Variants in PDZRN4 observed in about 807,000 individuals in gnomAD.
PDZRN4 encodes PDZ domain containing ring finger 4.
Under a neutral mutation model 99.0 loss-of-function variants are expected in PDZRN4, and 70 were observed. The observed-to-expected ratio is 0.71, with a 90% CI of 0.58 to 0.86. PDZRN4 has a LOEUF of 0.86. PDZRN4 is among the 40% of genes least tolerant of loss of function. PDZRN4 has a pLI of 0.00. For missense variants in PDZRN4, 1,474 were observed against 1,331.2 expected (o/e 1.11, Z -1.67); for synonymous variants, 551 against 501.6 (o/e 1.10, Z -1.32).
At chr12:41,218,601 G>A (rs1288699319) in intron 3 of PDZRN4, among the ~76,000 whole-genome samples, 3 of 151,964 alleles carry the variant, frequency 2.0e-5, no homozygotes, top group Non-Finnish European at 4.4e-5. Context: ...ATTGTTGGGC[G>A]TAATAAGTGA....
chr12:41,305,342 TG>T (rs1951561759), intron 3 of PDZRN4, among the ~76,000 whole-genome samples: 1 of 152,090 alleles, frequency 6.6e-6, no homozygotes, highest in Non-Finnish European at 1.5e-5. Flanking sequence ...GGAAAACAAG[TG>T]GACTAAAACA....
chr12:41,530,367 T>C (rs141206872), intron 5 of PDZRN4, among the ~76,000 whole-genome samples: 1 of 152,350 alleles, frequency 6.6e-6, no homozygotes, highest in African/African-American at 2.4e-5. Context: ...TGGAAAAATA[T>C]TGAATACAGT....
At chr12:41,427,287 G>A (rs944179349) in intron 3 of PDZRN4, among the ~76,000 whole-genome samples, 1 of 152,182 alleles carries the variant, frequency 6.6e-6, no homozygotes, top group Admixed American at 6.5e-5. Context: ...TTTTCACAAT[G>A]CTAGAATTTA....
intron 3 of PDZRN4, among the ~76,000 whole-genome samples, chr12:41,470,749 A>C (rs569087124): frequency 6.6e-6 from 1 of 151,968 alleles, no homozygotes; most frequent in African/African-American, 2.4e-5. Flanking sequence ...AAAAGTCCTG[A>C]CCAGAAATGA....
At chr12:41,421,133 A>C (rs1197985647) in intron 3 of PDZRN4, among the ~76,000 whole-genome samples, 1 of 152,214 alleles carries the variant, frequency 6.6e-6, no homozygotes, top group African/African-American at 2.4e-5. Flanking sequence ...TTCCGTGTTC[A>C]AGACTGTTTA....
At chr12:41,228,532 A>G (rs952983703) in intron 3 of PDZRN4, among the ~76,000 whole-genome samples, 3 of 152,128 alleles carry the variant, frequency 2.0e-5, no homozygotes, top group Non-Finnish European at 4.4e-5. Context: ...CAAAAAAAGA[A>G]AGTGTATGGT....
At chr12:41,476,800 A>G (rs986629268) in intron 3 of PDZRN4, among the ~76,000 whole-genome samples, 2 of 152,176 alleles carry the variant, frequency 1.3e-5, no homozygotes, top group Non-Finnish European at 2.9e-5. Flanking sequence ...CTCGATCTCC[A>G]ATTAAGCATC....
intron 3 of PDZRN4, among the ~76,000 whole-genome samples, chr12:41,316,497 TA>T (rs1025056056): frequency 6.7e-6 from 1 of 148,970 alleles, no homozygotes; most frequent in Non-Finnish European, 1.5e-5. Flanking sequence ...TGTGTGTGTA[TA>T]AAATAAAAAC....
chr12:41,491,919 T>G (rs1937893796), intron 3 of PDZRN4, among the ~76,000 whole-genome samples: 1 of 152,206 alleles, frequency 6.6e-6, no homozygotes, highest in African/African-American at 2.4e-5. Context: ...CAGTATAGAC[T>G]GAATAAAAAT....
At chr12:41,363,332 C>A (rs1319344573) in intron 3 of PDZRN4, among the ~76,000 whole-genome samples, 1 of 151,876 alleles carries the variant, frequency 6.6e-6, no homozygotes. Context: ...TATTTAAGAA[C>A]ATATTTGAAA....
At chr12:41,227,906 CACACACACACACA>C (rs1566375559) in intron 3 of PDZRN4, among the ~76,000 whole-genome samples, 3 of 151,408 alleles carry the variant, frequency 2.0e-5, no homozygotes, top group Non-Finnish European at 1.5e-5. Flanking sequence ...CACACACACA[CACACACACACACA>C]CCAGAAGGGT....
chr12:41,366,238 A>G (rs1393339771), intron 3 of PDZRN4, among the ~76,000 whole-genome samples: 1 of 152,152 alleles, frequency 6.6e-6, no homozygotes, highest in East Asian at 1.9e-4. Flanking sequence ...AGTAATAAGG[A>G]TAGTCACGGC....
intron 3 of PDZRN4, among the ~76,000 whole-genome samples, chr12:41,224,015 G>A (rs1446415666): frequency 6.6e-6 from 1 of 152,232 alleles, no homozygotes; most frequent in Non-Finnish European, 1.5e-5. Flanking sequence ...CTAAGTTCTA[G>A]AGTGCAACTC....
chr12:41,188,375 C>G lies in PDZRN4; in HGVS notation c.-81C>G. ...CTGCCGCCGCCGCGAGACGGCTGCC[C>G]CGGGGGTGGCCCGGGGAAGGCAGGG... On this transcript the variant is annotated 5_prime_UTR_variant, in exon 1 of 10. Transcript: ENST00000402685. The G allele has an allele frequency of 1.5e-6, 2 of 1,350,940 alleles. No individual in the cohort carries two copies. Among genetic ancestry groups the G allele is most frequent in the Non-Finnish European group, 2.0e-6 (2 of 1,023,600 alleles). 83.7% of individuals were successfully genotyped at this position (1,350,940 alleles called of 1,614,324 possible).
chr12:41,470,892 T>G (rs556693234), intron 3 of PDZRN4, among the ~76,000 whole-genome samples: 21 of 152,262 alleles, frequency 1.4e-4, no homozygotes, highest in Admixed American at 3.9e-4. Context: ...CAGCACAGCA[T>G]GAACTTCTGG....
chr12:41,537,189 T>C (rs572634494), intron 5 of PDZRN4, among the ~76,000 whole-genome samples: 2 of 152,264 alleles, frequency 1.3e-5, no homozygotes, highest in African/African-American at 2.4e-5. Flanking sequence ...TGTGTTGAGA[T>C]AGAGATGCAG....
intron 9 of PDZRN4, among the ~76,000 whole-genome samples, chr12:41,570,255 A>G (rs1939450450): frequency 6.6e-6 from 1 of 152,238 alleles, no homozygotes; most frequent in Non-Finnish European, 1.5e-5. Context: ...CTTATAAACA[A>G]TAATACTACA....
chr12:41,347,861 A>G (rs1367062838), intron 3 of PDZRN4, among the ~76,000 whole-genome samples: 1 of 152,164 alleles, frequency 6.6e-6, no homozygotes, highest in Non-Finnish European at 1.5e-5. Context: ...GTTTGGTCAG[A>G]TATATTAGTT....
chr12:41,471,846 T>C (rs1238871022), intron 3 of PDZRN4, among the ~76,000 whole-genome samples: 1 of 151,860 alleles, frequency 6.6e-6, no homozygotes, highest in Non-Finnish European at 1.5e-5. Flanking sequence ...GTCAATTTGC[T>C]TTTTTAAAAA....
Sources: gnomAD v4.1 joint callset for allele counts (sites outside exome capture counted in the v4.1 genomes callset) on GRCh38, gnomAD v4.1.1 for gene constraint, MANE v1.5 for transcripts, NCBI Gene and HGNC (gene_info 2026-07-23, HGNC 2026-07-21) for gene names.